The following CCNO variants were observed in gnomAD, a reference collection of about 807,000 sequenced individuals.
CCNO encodes the protein cyclin O, also known as cyclin-O.
A neutral mutation model predicts 23.9 loss-of-function variants in CCNO; 24 were observed. That is an observed-to-expected ratio of 1.00 (90% CI 0.73 to 1.41). The LOEUF (loss-of-function observed/expected upper bound fraction) is 1.41, where lower values mean the gene tolerates loss of function less well. Ranked by LOEUF, CCNO falls within the 40% of genes most tolerant of loss-of-function variation. The pLI, the probability that CCNO is intolerant of heterozygous loss-of-function variation, is 0.00. For synonymous variants in CCNO, 241 were observed against 225.7 expected (o/e 1.07, Z -0.61); for missense variants, 542 against 476.2 (o/e 1.14, Z -1.29).
rs1745653720 is a variant in CCNO at position 55,233,280 on chromosome 5, G to A, written c.244C>T (p.Pro82Ser). The A allele has an allele frequency of 3.8e-6, 6 of 1,591,440 alleles. No homozygotes were observed. Among genetic ancestry groups the A allele is most frequent in the Non-Finnish European group, 5.1e-6 (6 of 1,171,108 alleles). Residue 82 changes from proline to serine, a missense_variant, in exon 1 of 3, where the codon CCC (proline) becomes TCC (serine). By Grantham distance (74) the Pro-to-Ser change is moderately conservative. Transcript: ENST00000282572. ...ACGGGCTGGGCCGGGCCGGGCAGGGGGCTACCACCCCGCGCCGCAGAGGGG... is the reference window on the plus strand; with the variant it reads ...ACGGGCTGGGCCGGGCCGGGCAGGGAGCTACCACCCCGCGCCGCAGAGGGG... ...ESPSAARGGS[P>S]LPGPAQPVAQ...
chr5:55,232,463 G>A lies in CCNO; in HGVS notation c.465C>T (p.Cys155=). The part of the protein sequence containing the change: ...RQFGLSFESL[C]LTVNTLDRFL... ...AGCGGTCCAGAGTGTTCACCGTCAG[G>A]CACAGCGACTCGAAGGAGAGGCCGA... Residue 155 remains cysteine, a synonymous_variant, in exon 2 of 3, where the codon TGC becomes TGT. Transcript: ENST00000282572. 2.5e-6 allele frequency: 4 copies of A among 1,614,012 alleles called. No individual in the cohort carries two copies. Among genetic ancestry groups the A allele is most frequent in the Non-Finnish European group, 2.5e-6 (3 of 1,180,022 alleles).
Position 55,233,592 on chromosome 5 carries a change from A to C in CCNO, c.-69T>G, listed in dbSNP as rs934427491. The C allele has an allele frequency of 7.0e-7, 1 of 1,422,584 alleles. No homozygotes were observed. The highest frequency in any genetic ancestry group is 9.2e-7 in the Non-Finnish European group (1 of 1,082,666). The allele number at this position is 1,422,584 out of a possible 1,614,324, so 88.1% of individuals were successfully genotyped here. On this transcript the variant is annotated 5_prime_UTR_variant, in exon 1 of 3. Transcript: ENST00000282572. Reference sequence around the variant, plus strand: ...GCGGCGGGCAGCAAACGCGCACTCGAAAGTGCGAAGGAGGCCGGGCTCAGA... The same window carrying C: ...GCGGCGGGCAGCAAACGCGCACTCGCAAGTGCGAAGGAGGCCGGGCTCAGA...
Position 55,231,467 on chromosome 5 carries a change from G to A in CCNO, c.961C>T (p.Gln321Ter), listed in dbSNP as rs587777501. The stretch of plus-strand genomic sequence containing the variant: ...GTACTGTTTATGGCCACCAGCAGCT[G>A]CAACTTGCCCATACAGTCCTCCAGC... ...AALEDCMGKL[Q>*]LLVAINSTSL... is the part of the protein sequence containing the mutation. The change falls in exon 3 of 3, where the codon CAG (glutamine) becomes TAG (stop). Residue 321 changes from glutamine (Q) to a stop codon, truncating the protein, a stop_gained. Transcript: ENST00000282572. LOFTEE classifies it high-confidence loss of function. 7 of 1,614,144 alleles carry A rather than the reference G, an allele frequency of 4.3e-6. No homozygotes were observed. Among genetic ancestry groups the A allele is most frequent in the Middle Eastern group, 1.6e-4 (1 of 6,062 alleles).
At position 55,231,803 on chromosome 5, in the gene CCNO, A is replaced by G. The variant is rs767992547; in HGVS notation, c.625T>C (p.Ser209Pro). The G allele has an allele frequency of 1.9e-6, 3 of 1,556,968 alleles. No homozygotes were observed. The highest frequency in any genetic ancestry group is 2.4e-5 in the South Asian group (2 of 84,562). ...TCGAGGTTGCAGAGCTGCTGCCGGG[A>G]GAAGGCGCCGCAGCAGAGGGCCAGA... ...QLLALCCGAF[S>P]RQQLCNLECI... Residue 209 changes from serine (S) to proline (P), a missense_variant, in exon 3 of 3, where the codon TCC becomes CCC. Ser to Pro is a moderately conservative substitution (Grantham distance 74). Transcript: ENST00000282572.
Position 55,233,192 on chromosome 5 carries a change from G to A in CCNO, c.332C>T (p.Ala111Val). 1 of 1,554,310 alleles carries A rather than the reference G, an allele frequency of 6.4e-7. No individual in the cohort carries two copies. The highest frequency in any genetic ancestry group is 8.7e-7 in the Non-Finnish European group (1 of 1,150,352). ...YGQSCYAFRK[A>V]QESHFHPREA... is the part of the protein sequence containing the mutation. ...CCGCGGGTGGAAGTGGCTCTCCTGC[G>A]CCTTGCGGAAGGCGTAGCAGCTCTG... The change falls in exon 1 of 3, where the codon GCG becomes GTG. Residue 111 changes from alanine to valine, a missense_variant. Physicochemically the swap from Ala to Val is moderately conservative, Grantham distance 64. Coordinates refer to ENST00000282572, the MANE Select transcript of CCNO (RefSeq NM_021147.5).
In CCNO at chr5:55,233,529, G is replaced by A; in HGVS notation, c.-6C>T. The A allele has an allele frequency of 6.5e-7, 1 of 1,540,808 alleles. No homozygotes were observed. Among genetic ancestry groups the A allele is most frequent in the Non-Finnish European group, 8.7e-7 (1 of 1,147,836 alleles). On this transcript the variant is annotated 5_prime_UTR_variant, in exon 1 of 3. Coordinates refer to ENST00000282572, the MANE Select transcript of CCNO (RefSeq NM_021147.5). ...GTGGGACAGGGGGTCACCATGATGCGGCCGGGTGGCCGCTTTACTACCTTC... is the reference window on the plus strand; with the variant it reads ...GTGGGACAGGGGGTCACCATGATGCAGCCGGGTGGCCGCTTTACTACCTTC...
At chr5:55,232,292 C>T (rs1745606778) in intron 2 of CCNO, 69 bp downstream of exon 2, 3 of 1,430,748 alleles carry the variant, frequency 2.1e-6, no homozygotes, top group South Asian at 2.3e-5. Flanking sequence ...AGACGGGCGG[C>T]CAGGGAGTGG....
chr5:55,233,103 G>A (rs949923167), intron 1 of CCNO, 40 bp downstream of exon 1: 4 of 1,524,700 alleles, frequency 2.6e-6, no homozygotes, highest in Non-Finnish European at 3.5e-6. Context: ...GGGAGGAGAG[G>A]AAGAGCGGCG....
chr5:55,233,288 C>T lies in CCNO; in HGVS notation c.236G>A (p.Gly79Asp). The change falls in exon 1 of 3, where the codon GGT becomes GAT. Residue 79 changes from glycine to aspartate, a missense_variant. Coordinates refer to ENST00000282572, the MANE Select transcript of CCNO (RefSeq NM_021147.5). The stretch of plus-strand genomic sequence containing the variant: ...GGCCGGGCCGGGCAGGGGGCTACCA[C>T]CCCGCGCCGCAGAGGGGCTCTCTGC... ...DGAESPSAAR[G>D]GSPLPGPAQP... is the part of the protein sequence containing the mutation. 1 of 1,590,380 alleles carries T rather than the reference C, an allele frequency of 6.3e-7. No homozygotes were observed. The highest frequency in any genetic ancestry group is 1.1e-5 in the South Asian group (1 of 88,290).
chr5:55,231,678 A>G lies in CCNO; in HGVS notation c.750T>C (p.Ala250=). Reference sequence around the variant, plus strand: ...GCGCTTCCAGAGCTTCGGAGGCCTCAGCCTGCCCCGCCTCCACGCGAGCGT... The same window carrying G: ...GCGCTTCCAGAGCTTCGGAGGCCTCGGCCTGCCCCGCCTCCACGCGAGCGT... ...FTHARVEAGQ[A]EASEALEAQA... is the part of the protein sequence containing the mutation. The change falls in exon 3 of 3, where the codon GCT becomes GCC. Residue 250 remains alanine, a synonymous_variant. Coordinates refer to ENST00000282572, the MANE Select transcript of CCNO (RefSeq NM_021147.5). 6.4e-7 allele frequency: 1 copy of G among 1,557,856 alleles called. No homozygotes were observed. Among genetic ancestry groups the G allele is most frequent in the Non-Finnish European group, 8.7e-7 (1 of 1,151,360 alleles).
chr5:55,233,580 A>C lies in CCNO; in HGVS notation c.-57T>G. 1.4e-6 allele frequency: 2 copies of C among 1,453,542 alleles called. No individual in the cohort carries two copies. Among genetic ancestry groups the C allele is most frequent in the Non-Finnish European group, 1.8e-6 (2 of 1,107,306 alleles). 90.0% of individuals were successfully genotyped at this position (1,453,542 alleles called of 1,614,324 possible). A position where few individuals can be genotyped will look rare whatever the true frequency, so the allele number is the denominator to read the frequency against. On this transcript the variant is annotated 5_prime_UTR_variant, in exon 1 of 3. Coordinates refer to ENST00000282572, the MANE Select transcript of CCNO (RefSeq NM_021147.5). ...AACGCCCGGGCTGCGGCGGGCAGCA[A>C]ACGCGCACTCGAAAGTGCGAAGGAG...
At position 55,233,097 on chromosome 5, in the gene CCNO, G is replaced by A. The variant is rs369019059; in HGVS notation, c.381+46C>T. 2.0e-6 allele frequency: 3 copies of A among 1,521,374 alleles called. No individual in the cohort carries two copies. The East Asian group carries it at 7.4e-5, about 38-fold the overall frequency. The allele number at this position is 1,521,374 out of a possible 1,614,324, so 94.2% of individuals were successfully genotyped here. A position where few individuals can be genotyped will look rare whatever the true frequency, so the allele number is the denominator to read the frequency against. On this transcript the variant is annotated intron_variant, in intron 1 of 2. Coordinates refer to ENST00000282572, the MANE Select transcript of CCNO (RefSeq NM_021147.5). ...CGGCAGGAGAGGAGAGAGCCTGGGA[G>A]GAGAGGAAGAGCGGCGGCGTGGAGC... is the stretch of plus-strand genomic sequence containing the variant.
At chr5:55,232,943 T>G in intron 1 of CCNO, 200 bp downstream of exon 1, 1 of 627,210 alleles carries the variant, frequency 1.6e-6, no homozygotes, top group East Asian at 2.8e-5. Context: ...GGCAAGTCCC[T>G]CAAGCCGTCT....
rs778828243 is a variant in CCNO, at chr5:55,231,472, T to C, written c.956A>G (p.Lys319Arg). Residue 319 changes from lysine to arginine, a missense_variant, in exon 3 of 3, where the codon AAG (lysine) becomes AGG (arginine). Lys to Arg is a conservative substitution (Grantham distance 26). Coordinates refer to ENST00000282572, the MANE Select transcript of CCNO (RefSeq NM_021147.5). ...PEAALEDCMG[K>R]LQLLVAINST... ...GTTTATGGCCACCAGCAGCTGCAACTTGCCCATACAGTCCTCCAGCGCCGC... is the reference window on the plus strand; with the variant it reads ...GTTTATGGCCACCAGCAGCTGCAACCTGCCCATACAGTCCTCCAGCGCCGC... 5 of 1,614,122 alleles carry C rather than the reference T, an allele frequency of 3.1e-6. No homozygotes were observed. Among genetic ancestry groups the C allele is most frequent in the Non-Finnish European group, 4.2e-6 (5 of 1,180,022 alleles).
In CCNO at chr5:55,231,164, A is replaced by G; in HGVS notation, c.*211T>C. 1.7e-6 allele frequency: 1 copy of G among 596,832 alleles called. No individual in the cohort carries two copies. Among genetic ancestry groups the G allele is most frequent in the Non-Finnish European group, 2.9e-6 (1 of 339,292 alleles). The allele number at this position is 596,832 out of a possible 1,614,324, so 37.0% of individuals were successfully genotyped here. On this transcript the variant is annotated 3_prime_UTR_variant, in exon 3 of 3. Transcript: ENST00000282572. ...GACACTTGCAGGATTTAGACAAACC[A>G]CAACTGTTTATTGGTGAAAGACTCA...
chr5:55,231,750 G>C lies in CCNO; in HGVS notation c.678C>G (p.Phe226Leu). The change falls in exon 3 of 3, where the codon TTC (phenylalanine) becomes TTG (leucine). Residue 226 changes from phenylalanine to leucine, a missense_variant. Coordinates refer to ENST00000282572, the MANE Select transcript of CCNO (RefSeq NM_021147.5). ...AGCTAATGGTGGGCGCACCCAGGGT[G>C]AAGTGCAGCTTGTGCAGCACGATGC... ...LECIVLHKLHFTLGAPTISFF... is the reference protein window; with the variant it reads ...LECIVLHKLHLTLGAPTISFF... 1 of 1,573,320 alleles carries C rather than the reference G, an allele frequency of 6.4e-7. No individual in the cohort carries two copies. The highest frequency in any genetic ancestry group is 8.6e-7 in the Non-Finnish European group (1 of 1,160,116).
intron 1 of CCNO, 61 bp downstream of exon 1, chr5:55,233,082 G>A (rs1403777039): frequency 6.7e-7 from 1 of 1,500,288 alleles, no homozygotes; most frequent in Non-Finnish European, 8.9e-7. Context: ...CGGCAGGAGA[G>A]GAGAGAGCCT....
chr5:55,232,552 G>A lies in CCNO; in HGVS notation c.382-6C>T, dbSNP rs766425941. The stretch of plus-strand genomic sequence containing the variant: ...CAGCGGGATTCCGCCGTCACCTGCC[G>A]GGAAGGAGGGGGGAGGCGGGCCCGC... On this transcript the variant is annotated splice_polypyrimidine_tract_variant and splice_region_variant and intron_variant, in intron 1 of 2. Transcript: ENST00000282572. 3.1e-6 allele frequency: 5 copies of A among 1,613,084 alleles called. No individual in the cohort carries two copies. The highest frequency in any genetic ancestry group is 2.7e-5 in the African/African-American group (2 of 74,940).
rs747968318 is a variant in CCNO at position 55,233,405 on chromosome 5, T to C, written c.119A>G (p.Lys40Arg). The change falls in exon 1 of 3, where the codon AAG (lysine) becomes AGG (arginine). Residue 40 changes from lysine to arginine, a missense_variant. Physicochemically the swap from Lys to Arg is conservative, Grantham distance 26. Transcript: ENST00000282572. ...CGGGTTCAGGGGATGCAGCGGCTGC[T>C]TCCTCCGGAGGCGCGGACGCCTGCT... is the stretch of plus-strand genomic sequence containing the variant. ...KKSRRPRLRR[K>R]QPLHPLNPCP... 3 of 1,609,754 alleles carry C rather than the reference T, an allele frequency of 1.9e-6. No individual in the cohort carries two copies. The highest frequency in any genetic ancestry group is 1.7e-5 in the Admixed American group (1 of 59,788).
Sources: gnomAD v4.1 joint callset for allele counts on GRCh38, gnomAD v4.1.1 for gene constraint, MANE v1.5 for transcripts, NCBI Gene and HGNC (gene_info 2026-07-23, HGNC 2026-07-21) for gene names.